The following SYNC variants were observed in gnomAD, a reference collection of about 807,000 sequenced individuals.
SYNC encodes syncoilin.
SYNC carries 38 observed loss-of-function variants against 49.5 expected under a neutral mutation model. That is an observed-to-expected ratio of 0.77 (90% CI 0.59 to 1.01). The LOEUF (loss-of-function observed/expected upper bound fraction) is 1.01, where lower values mean the gene tolerates loss of function less well. SYNC is among the 50% of genes least tolerant of loss of function. The pLI, the probability that SYNC is intolerant of heterozygous loss-of-function variation, is 0.00. For synonymous variants in SYNC, 201 were observed against 230.8 expected, an observed-to-expected ratio of 0.87 and a Z score of 1.17; for missense variants, 579 against 580.6, an observed-to-expected ratio of 1.00 and a Z score of 0.03.
rs550033607 is a variant in SYNC, at chr1:32,685,957, C to T, written c.1234-1575G>A. On this transcript the variant is annotated intron_variant, in intron 2 of 4. Coordinates refer to ENST00000409190, the MANE Select transcript of SYNC (RefSeq NM_030786.3). ...CATTCAGACCCCCTCTAGTTTGACC[C>T]CTACCTCCAACTTGAACCTCTGTTA... 3 of 152,284 alleles carry T rather than the reference C, an allele frequency of 2.0e-5. No homozygotes were observed. In the South Asian group the frequency reaches 6.2e-4, roughly 32 times the overall value. 9.4% of individuals were successfully genotyped at this position (152,284 alleles called of 1,614,324 possible). A position where few individuals can be genotyped will look rare whatever the true frequency, so the allele number is the denominator to read the frequency against.
intron 2 of SYNC, 22 bp downstream of exon 2, chr1:32,694,843 T>C: frequency 3.9e-6 from 6 of 1,539,984 alleles, no homozygotes; most frequent in Non-Finnish European, 5.2e-6. Flanking sequence ...ACCTCAGTTC[T>C]TTTCATGCCC....
intron 2 of SYNC, among the ~76,000 whole-genome samples, chr1:32,687,629 G>A (rs971192302): frequency 2.8e-4 from 42 of 149,524 alleles, no homozygotes; most frequent in African/African-American, 9.1e-4. Flanking sequence ...CCAAGATTGC[G>A]CCACTGCACT....
rs372285843 is a variant in SYNC, at chr1:32,680,357, G to GTTTTT, written c.*1488_*1492dup. On this transcript the variant is annotated 3_prime_UTR_variant, in exon 5 of 5. Transcript: ENST00000409190. ...AATGGTGTTTTTTTTTTTGTTGTTGGTTTTTTTTTTTTTTTTTTTAACTTG... is the reference window on the plus strand; with the variant it reads ...AATGGTGTTTTTTTTTTTGTTGTTGGTTTTTTTTTTTTTTTTTTTTTTTTAACTTG... 5.1e-6 allele frequency: 5 copies of GTTTTT among 988,450 alleles called. No homozygotes were observed. Among genetic ancestry groups the GTTTTT allele is most frequent in the African/African-American group, 4.4e-5 (2 of 45,932 alleles). 61.2% of individuals were successfully genotyped at this position (988,450 alleles called of 1,614,324 possible). A position where few individuals can be genotyped will look rare whatever the true frequency, so the allele number is the denominator to read the frequency against.
intron 2 of SYNC, among the ~76,000 whole-genome samples, chr1:32,686,794 G>C (rs1392559910): frequency 1.6e-5 from 2 of 121,902 alleles, no homozygotes; most frequent in African/African-American, 4.4e-5. Flanking sequence ...CAGAGCTTAA[G>C]TAATTTGTCC....
upstream of SYNC, chr1:32,702,962 C>G (rs1314049586): frequency 6.2e-6 from 1 of 160,142 alleles, no homozygotes; most frequent in Non-Finnish European, 1.4e-5. This position sits in a 1 kb window ranked among gnomAD's most constrained non-coding sequence, Gnocchi z 6.2. Context: ...TCTCTCCACC[C>G]TTCCTTTCGT....
chr1:32,697,640 G>C (rs2148562363), intron 1 of SYNC, among the ~76,000 whole-genome samples: 1 of 151,772 alleles, frequency 6.6e-6, no homozygotes, highest in African/African-American at 2.4e-5. Flanking sequence ...GGGAGGCTGT[G>C]GTGGGAGAAT....
chr1:32,690,697 T>C (rs371538326), intron 2 of SYNC, among the ~76,000 whole-genome samples: 3 of 148,858 alleles, frequency 2.0e-5, no homozygotes, highest in East Asian at 3.9e-4. Flanking sequence ...AAGCCTGTAA[T>C]CCCAGCACTT....
At chr1:32,691,326 T>C (rs12569061) in intron 2 of SYNC, among the ~76,000 whole-genome samples, 1,886 of 143,500 alleles carry the variant, frequency 0.013, 19 homozygotes, top group East Asian at 0.044. Flanking sequence ...ACCCGGGAGG[T>C]AGAGGTTGCA....
intron 1 of SYNC, among the ~76,000 whole-genome samples, chr1:32,699,018 G>A (rs898955091): frequency 2.0e-5 from 3 of 151,848 alleles, no homozygotes; most frequent in Admixed American, 6.6e-5. Context: ...GAGCTCAAGC[G>A]ATCCTCCTAC....
At chr1:32,702,835 G>A (rs1485898335), upstream of SYNC, 12 of 357,578 alleles carry the variant, frequency 3.4e-5, no homozygotes, top group Non-Finnish European at 4.0e-5. This position sits in a 1 kb window ranked among gnomAD's most constrained non-coding sequence, Gnocchi z 6.2. Flanking sequence ...GGGAGCGGCC[G>A]CGCGGACCTG....
chr1:32,702,627 C>T lies in SYNC; in HGVS notation c.34G>A (p.Gly12Ser), dbSNP rs1650711548. 4.1e-6 allele frequency: 5 copies of T among 1,207,130 alleles called. No homozygotes were observed. Among genetic ancestry groups the T allele is most frequent in the Non-Finnish European group, 5.1e-6 (5 of 972,638 alleles). 74.8% of individuals were successfully genotyped at this position (1,207,130 alleles called of 1,614,324 possible). A position where few individuals can be genotyped will look rare whatever the true frequency, so the allele number is the denominator to read the frequency against. The change falls in exon 1 of 5, where the codon GGC becomes AGC. Residue 12 changes from glycine (G) to serine (S), a missense_variant. Transcript: ENST00000409190. The surrounding 1 kb of genome is among the most constrained non-coding windows in gnomAD (Gnocchi z 6.2). ...ASPEPRRGGD[G>S]AAQAARKTRV... ...TCCTACCTCGCGGCCTGGGCGGCGC[C>T]GTCCCCGCCGCGCCGGGGCTCCGGG...
At chr1:32,700,211 A>G (rs945056619) in intron 1 of SYNC, among the ~76,000 whole-genome samples, 1 of 152,184 alleles carries the variant, frequency 6.6e-6, no homozygotes, top group Non-Finnish European at 1.5e-5. Flanking sequence ...GGGAAGGCAG[A>G]GCTCCTAGAG....
intron 1 of SYNC, among the ~76,000 whole-genome samples, chr1:32,700,353 G>A (rs994068164): frequency 3.9e-5 from 6 of 152,132 alleles, no homozygotes; most frequent in African/African-American, 1.4e-4. Context: ...ACTTCACCGT[G>A]TTCAAGATTA....
chr1:32,694,909 C>A lies in SYNC; in HGVS notation c.1189G>T (p.Ala397Ser). The A allele has an allele frequency of 6.2e-7, 1 of 1,612,188 alleles. No individual in the cohort carries two copies. Among genetic ancestry groups the A allele is most frequent in the South Asian group, 1.1e-5 (1 of 90,926 alleles). Residue 397 changes from alanine (A) to serine (S), a missense_variant, in exon 2 of 5, where the codon GCA (alanine) becomes TCA (serine). Coordinates refer to ENST00000409190, the MANE Select transcript of SYNC (RefSeq NM_030786.3). ...LQNRNLEDQI[A>S]LVRQKRDEEV... ...TCATCTCGTTTTTGCCTCACAAGTG[C>A]GATCTGGTCCTCCAGGTTCCTGTTT... is the stretch of plus-strand genomic sequence containing the variant.
chr1:32,699,218 G>A lies in SYNC; in HGVS notation c.54-3174C>T, dbSNP rs1422017835. 2.8e-5 allele frequency among the ~76,000 whole-genome samples: 4 copies of A among 142,578 alleles called. No homozygotes were observed. The Admixed American group carries it at 2.8e-4, about 10-fold the overall frequency. 93.5% of individuals were successfully genotyped at this position (142,578 alleles called of 152,430 possible). On this transcript the variant is annotated intron_variant, in intron 1 of 4. Coordinates refer to ENST00000409190, the MANE Select transcript of SYNC (RefSeq NM_030786.3). ...GCCCAGGCTGGAGTGCAGTGGCGTG[G>A]TCTCAGCTCACTGCAACCTCCTCCT...
At position 32,694,896 on chromosome 1, in the gene SYNC, T is replaced by C. The variant is rs775204541; in HGVS notation, c.1202A>G (p.Gln401Arg). Residue 401 changes from glutamine to arginine, a missense_variant, in exon 2 of 5, where the codon CAA becomes CGA. Coordinates refer to ENST00000409190, the MANE Select transcript of SYNC (RefSeq NM_030786.3). The stretch of plus-strand genomic sequence containing the variant: ...CTGCTGCACCTCTTCATCTCGTTTT[T>C]GCCTCACAAGTGCGATCTGGTCCTC... ...NLEDQIALVR[Q>R]KRDEEVQQYR... 1.2e-6 allele frequency: 2 copies of C among 1,610,422 alleles called. No individual in the cohort carries two copies. The highest frequency in any genetic ancestry group is 1.1e-5 in the South Asian group (1 of 90,838).
rs570401056 is a variant in SYNC, at chr1:32,702,693, T to G, written c.-33A>C. 1.7e-6 allele frequency: 2 copies of G among 1,154,668 alleles called. No homozygotes were observed. Among genetic ancestry groups the G allele is most frequent in the Non-Finnish European group, 2.1e-6 (2 of 939,144 alleles). The allele number at this position is 1,154,668 out of a possible 1,614,324, so 71.5% of individuals were successfully genotyped here. On this transcript the variant is annotated 5_prime_UTR_variant, in exon 1 of 5. Coordinates refer to ENST00000409190, the MANE Select transcript of SYNC (RefSeq NM_030786.3). The surrounding 1 kb of genome is among the most constrained non-coding windows in gnomAD (Gnocchi z 6.2). Reference sequence around the variant, plus strand: ...CGACCCCGGGCTGGCGGCCGCGTTATTAATAGCCGGGCCCGCGGGCCCCTC... The same window carrying G: ...CGACCCCGGGCTGGCGGCCGCGTTAGTAATAGCCGGGCCCGCGGGCCCCTC...
chr1:32,688,531 G>A (rs530918815), intron 2 of SYNC, among the ~76,000 whole-genome samples: 1 of 152,240 alleles, frequency 6.6e-6, no homozygotes, highest in Non-Finnish European at 1.5e-5. Flanking sequence ...CTCTGATCAG[G>A]ATGCATGTTA....
intron 2 of SYNC, among the ~76,000 whole-genome samples, chr1:32,689,235 C>CTTTTTTTTT (rs71006360): frequency 0.15 from 6,149 of 41,402 alleles, 2,527 homozygotes; most frequent in Non-Finnish European, 0.22. Context: ...CTCGCCTGGC[C>CTTTTTTTTT]TTTTTTTTTT....
Sources: gnomAD v4.1 joint callset for allele counts (sites outside exome capture counted in the v4.1 genomes callset) on GRCh38, gnomAD v4.1.1 for gene constraint, Gnocchi (gnomAD v3.1) non-coding constraint, MANE v1.5 for transcripts, NCBI Gene and HGNC (gene_info 2026-07-23, HGNC 2026-07-21) for gene names.